TEX261: variants seen among roughly 807,000 people sequenced by gnomAD.
The protein encoded by TEX261 is protein TEX261.
In TEX261, 13 loss-of-function variants were observed where a neutral mutation model predicts 25.1. That is an observed-to-expected ratio of 0.52 (90% CI 0.34 to 0.82). The LOEUF is 0.82. Among genes scored for constraint, TEX261 ranks in the 40% least tolerant of loss-of-function variants. The pLI is 0.02. For synonymous variants in TEX261, 92 were observed against 97.8 expected (o/e 0.94, Z 0.35); for missense variants, 206 against 243.2 (o/e 0.85, Z 1.02).
In TEX261 at chr2:70,988,554, G is replaced by A. The variant is rs368066002; in HGVS notation, c.*46C>T. On this transcript the variant is annotated 3_prime_UTR_variant, in exon 6 of 6. Transcript: ENST00000272438. ...CCCCACCTGGCATAGAGGCCCAGGGGCCTGACTCTCCTGATCTTGCCCCCC... is the reference window on the plus strand; with the variant it reads ...CCCCACCTGGCATAGAGGCCCAGGGACCTGACTCTCCTGATCTTGCCCCCC... 1.3e-6 allele frequency: 2 copies of A among 1,484,044 alleles called. No homozygotes were observed. Among genetic ancestry groups the A allele is most frequent in the Non-Finnish European group, 1.9e-6 (2 of 1,061,866 alleles). The allele number at this position is 1,484,044 out of a possible 1,614,324, so 91.9% of individuals were successfully genotyped here.
rs1477354823 is a variant in TEX261, at chr2:70,987,044, C to T, written c.*1556G>A. The stretch of plus-strand genomic sequence containing the variant: ...AAAGGGGTCTGCTGGATTTAGCAAG[C>T]CCTGGGAGAACACTGGCAGTAGAGT... On this transcript the variant is annotated 3_prime_UTR_variant, in exon 6 of 6. Transcript: ENST00000272438. 1 of 152,082 alleles carries T rather than the reference C, an allele frequency of 6.6e-6. No individual in the cohort carries two copies. The highest frequency in any genetic ancestry group is 1.5e-5 in the Non-Finnish European group (1 of 68,070). 9.4% of individuals were successfully genotyped at this position (152,082 alleles called of 1,614,324 possible). A position where few individuals can be genotyped will look rare whatever the true frequency, so the allele number is the denominator to read the frequency against.
chr2:70,994,672 G>A lies in TEX261; in HGVS notation c.70+16C>T. The A allele has an allele frequency of 1.3e-6, 2 of 1,588,596 alleles. No individual in the cohort carries two copies. The highest frequency in any genetic ancestry group is 1.7e-6 in the Non-Finnish European group (2 of 1,168,672). On this transcript the variant is annotated intron_variant, in intron 1 of 5. Transcript: ENST00000272438. The stretch of plus-strand genomic sequence containing the variant: ...CGGGGCGGGAGCCCGCGCGGGCCGG[G>A]GTCGTGCAGTCTCACCGACAGCCAG...
Position 70,994,844 on chromosome 2 carries a change from G to T in TEX261, c.-87C>A. 5 of 1,247,488 alleles carry T rather than the reference G, an allele frequency of 4.0e-6. No homozygotes were observed. The highest frequency in any genetic ancestry group is 5.0e-6 in the Non-Finnish European group (5 of 993,122). 77.3% of individuals were successfully genotyped at this position (1,247,488 alleles called of 1,614,324 possible). ...ACACACAGCCGCCACCGCCGCCGCC[G>T]CCGCCGCGTCCCCGCCCCGCGGACG... On this transcript the variant is annotated 5_prime_UTR_variant, in exon 1 of 6. Coordinates refer to ENST00000272438, the MANE Select transcript of TEX261 (RefSeq NM_144582.3).
chr2:70,989,816 CCT>C lies in TEX261; in HGVS notation c.305-2_305-1del. 1 of 1,610,000 alleles carries C rather than the reference CCT, an allele frequency of 6.2e-7. No homozygotes were observed. The highest frequency in any genetic ancestry group is 8.5e-7 in the Non-Finnish European group (1 of 1,176,266). ...TAGGTAATGATTCACCACCACTAGT[CCT>C]GTTGAGGGAATGAAGAGTCAGTCAG... On this transcript the variant is annotated splice_acceptor_variant, in intron 3 of 5. Transcript: ENST00000272438. LOFTEE classifies it high-confidence loss of function.
chr2:70,989,709 C>T (rs1670265290), intron 4 of TEX261, 40 bp downstream of exon 4: 1 of 1,385,664 alleles, frequency 7.2e-7, no homozygotes, highest in Admixed American at 1.7e-5. Flanking sequence ...TTTTACTACC[C>T]TGTCCCTGTT....
Position 70,994,701 on chromosome 2 carries a change from G to T in TEX261, c.57C>A (p.Ile19=). The part of the protein sequence containing the change: ...WLSLFIQVAF[I]TLAVAAGLYY... ...GTGCAGTCTCACCGACAGCCAGCGTGATGAAGGCCACCTGGATGAAGAGCG... is the reference window on the plus strand; with the variant it reads ...GTGCAGTCTCACCGACAGCCAGCGTTATGAAGGCCACCTGGATGAAGAGCG... The change falls in exon 1 of 6, where the codon ATC becomes ATA. Residue 19 remains isoleucine, a synonymous_variant. Coordinates refer to ENST00000272438, the MANE Select transcript of TEX261 (RefSeq NM_144582.3). 1 of 1,604,884 alleles carries T rather than the reference G, an allele frequency of 6.2e-7. No individual in the cohort carries two copies. The highest frequency in any genetic ancestry group is 8.5e-7 in the Non-Finnish European group (1 of 1,176,554).
rs369333145 is a variant in TEX261 at position 70,988,952 on chromosome 2, G to C, written c.438C>G (p.Ala146=). 6.2e-7 allele frequency: 1 copy of C among 1,614,080 alleles called. No individual in the cohort carries two copies. Among genetic ancestry groups the C allele is most frequent in the Non-Finnish European group, 8.5e-7 (1 of 1,180,014 alleles). The stretch of plus-strand genomic sequence containing the variant: ...TGGTAGAGGGCAGGACGTTCTCCCC[G>C]GCCGAAAGTGACACAAAAAACGCAA... ...IPFAFFVSLS[A]GENVLPSTMQ... The change falls in exon 5 of 6, where the codon GCC becomes GCG. Residue 146 remains alanine (A), a synonymous_variant. Coordinates refer to ENST00000272438, the MANE Select transcript of TEX261 (RefSeq NM_144582.3).
intron 3 of TEX261, among the ~76,000 whole-genome samples, chr2:70,991,287 A>T (rs1273990624): frequency 1.3e-5 from 2 of 152,242 alleles, no homozygotes; most frequent in African/African-American, 2.4e-5. Flanking sequence ...GGCAACGCCA[A>T]GAAGACTGGG....
chr2:70,992,737 A>G (rs1470480445), intron 2 of TEX261, among the ~76,000 whole-genome samples: 1 of 152,110 alleles, frequency 6.6e-6, no homozygotes, highest in Non-Finnish European at 1.5e-5. Context: ...CTCAAAAAAA[A>G]AAAAAGAAAA....
intron 1 of TEX261, 113 bp downstream of exon 1, chr2:70,994,575 G>A (rs1670371517): frequency 1.4e-6 from 2 of 1,460,426 alleles, no homozygotes; most frequent in Non-Finnish European, 1.9e-6. Context: ...GGCGAAGGCC[G>A]GGAGCGCCGG....
intron 2 of TEX261, 48 bp from the exon 3 acceptor site, chr2:70,992,031 G>A (rs782820677): frequency 4.6e-6 from 7 of 1,512,424 alleles, no homozygotes; most frequent in East Asian, 2.4e-5. Context: ...TCCAGGCAAC[G>A]TTCCTGGACT....
rs782436811 is a variant in TEX261, at chr2:70,988,670, C to T, written c.521G>A (p.Arg174His). The part of the protein sequence containing the change: ...NYFTKGKRGK[R>H]LGILVVFSFI... ...GGAGAAGACAACCAGGATCCCTAAG[C>T]GTTTGCCCCGCTTGCCTTTGGTGAA... The change falls in exon 6 of 6, where the codon CGC (arginine) becomes CAC (histidine). Residue 174 changes from arginine to histidine, a missense_variant. Arg to His is a conservative substitution (Grantham distance 29). Coordinates refer to ENST00000272438, the MANE Select transcript of TEX261 (RefSeq NM_144582.3). 7.6e-5 allele frequency: 123 copies of T among 1,614,062 alleles called. 1 individual carries two copies. The highest frequency in any genetic ancestry group is 9.9e-5 in the Non-Finnish European group (117 of 1,180,042).
intron 5 of TEX261, 24 bp downstream of exon 5, chr2:70,988,891 G>T: frequency 6.2e-7 from 1 of 1,610,902 alleles, no homozygotes; most frequent in Non-Finnish European, 8.5e-7. Context: ...CCCCCACCTG[G>T]GCCCCTTACA....
chr2:70,991,818 G>A lies in TEX261; in HGVS notation c.304+12C>T. The A allele has an allele frequency of 6.2e-7, 1 of 1,612,028 alleles. No homozygotes were observed. Among genetic ancestry groups the A allele is most frequent in the Non-Finnish European group, 8.5e-7 (1 of 1,179,090 alleles). On this transcript the variant is annotated intron_variant, in intron 3 of 5. Coordinates refer to ENST00000272438, the MANE Select transcript of TEX261 (RefSeq NM_144582.3). ...CCACATCAGCTGCCTCCCCAACTCTGTCCCCTCTCACCACACGACAGGATG... is the reference window on the plus strand; with the variant it reads ...CCACATCAGCTGCCTCCCCAACTCTATCCCCTCTCACCACACGACAGGATG...
intron 4 of TEX261, 162 bp downstream of exon 4, chr2:70,989,587 C>T (rs1670262980): frequency 6.4e-6 from 4 of 623,370 alleles, no homozygotes; most frequent in South Asian, 5.6e-5. Context: ...CTGTCCCCAT[C>T]CACACAGCTT....
At chr2:70,993,860 C>G in intron 1 of TEX261, 85 bp from the exon 2 acceptor site, 1 of 1,073,600 alleles carries the variant, frequency 9.3e-7, no homozygotes, top group Non-Finnish European at 1.4e-6. Context: ...CAGTCCCCAT[C>G]CACCCTTCAT....
chr2:70,994,677 T>TG lies in TEX261; in HGVS notation c.70+10dup. ...CGGGAGCCCGCGCGGGCCGGGGTCG[T>TG]GCAGTCTCACCGACAGCCAGCGTGA... On this transcript the variant is annotated intron_variant, in intron 1 of 5. Transcript: ENST00000272438. 6.3e-7 allele frequency: 1 copy of TG among 1,592,094 alleles called. No homozygotes were observed. Among genetic ancestry groups the TG allele is most frequent in the Non-Finnish European group, 8.5e-7 (1 of 1,170,644 alleles).
At chr2:70,990,532 C>T (rs1274239412) in intron 3 of TEX261, among the ~76,000 whole-genome samples, 1 of 152,164 alleles carries the variant, frequency 6.6e-6, no homozygotes, top group Non-Finnish European at 1.5e-5. Flanking sequence ...AGACAGTCAT[C>T]CCTGCCGGTT....
chr2:70,989,410 G>A (rs1002761952), intron 4 of TEX261: 1 of 412,182 alleles, frequency 2.4e-6, no homozygotes, highest in South Asian at 2.6e-5. Context: ...CGGCCACTGG[G>A]AAAAGCTGGG....
Sources: gnomAD v4.1 joint callset for allele counts (sites outside exome capture counted in the v4.1 genomes callset) on GRCh38, gnomAD v4.1.1 for gene constraint, MANE v1.5 for transcripts, NCBI Gene and HGNC (gene_info 2026-07-23, HGNC 2026-07-21) for gene names.